The following CYP2C19 variants were observed in gnomAD, a reference collection of about 807,000 sequenced individuals.
The protein encoded by CYP2C19 is cytochrome P450 family 2 subfamily C member 19.
A neutral mutation model predicts 40.9 loss-of-function variants in CYP2C19; 59 were observed. That is an observed-to-expected ratio of 1.44 (90% CI 1.17 to 1.79). The LOEUF is 1.79. CYP2C19 is among the 40% of genes most tolerant of loss of function. CYP2C19 has a pLI of 0.00. For synonymous variants in CYP2C19, 253 were observed against 208.7 expected, an observed-to-expected ratio of 1.21 and a Z score of -1.83; for missense variants, 754 against 596.9, an observed-to-expected ratio of 1.26 and a Z score of -2.74.
At chr10:94,844,325 A>G (rs1009621879) in intron 7 of CYP2C19, among the ~76,000 whole-genome samples, 5 of 152,196 alleles carry the variant, frequency 3.3e-5, no homozygotes, top group African/African-American at 9.7e-5. Flanking sequence ...AGTCATAATG[A>G]CATAACACAT....
At chr10:94,783,542 AT>A (rs1189651547) in intron 5 of CYP2C19, among the ~76,000 whole-genome samples, 1 of 152,022 alleles carries the variant, frequency 6.6e-6, no homozygotes, top group Non-Finnish European at 1.5e-5. Context: ...TGAAGAGGCT[AT>A]TTTTTCCTCC....
At position 94,852,336 on chromosome 10, in the gene CYP2C19, C is replaced by T. The variant is rs141402116; in HGVS notation, c.1292-397C>T. Among the ~76,000 whole-genome samples the T allele has an allele frequency of 4.6e-5, 7 of 152,228 alleles. No homozygotes were observed. In the East Asian group the frequency reaches 5.8e-4, roughly 13 times the overall value. ...GAGCCAGAAATACAAAGGGAAATGC[C>T]GAATGTGAGCCTCCTCCCCTAAGCC... is the stretch of plus-strand genomic sequence containing the variant. On this transcript the variant is annotated intron_variant, in intron 8 of 8. Transcript: ENST00000371321.
chr10:94,827,480 T>C (rs544291353), intron 6 of CYP2C19, among the ~76,000 whole-genome samples: 1 of 152,240 alleles, frequency 6.6e-6, no homozygotes, highest in Admixed American at 6.5e-5. Flanking sequence ...CTGATGGTAG[T>C]TTGTATTTCT....
intron 6 of CYP2C19, among the ~76,000 whole-genome samples, chr10:94,842,394 T>TG (rs533775861): frequency 6.5e-4 from 2 of 3,058 alleles, no homozygotes; most frequent in African/African-American, 2.4e-3. Flanking sequence ...TTAAGTGAAG[T>TG]TTTTTTTTTT....
chr10:94,847,563 C>T (rs1294160815), intron 7 of CYP2C19, among the ~76,000 whole-genome samples: 1 of 152,124 alleles, frequency 6.6e-6, no homozygotes, highest in Non-Finnish European at 1.5e-5. Flanking sequence ...TTTATAGTAG[C>T]ATGATTTATA....
In CYP2C19 at chr10:94,780,604, A is replaced by G. The variant is rs994614384; in HGVS notation, c.587A>G (p.Asn196Ser). 1.9e-6 allele frequency: 3 copies of G among 1,613,734 alleles called. No individual in the cohort carries two copies. The highest frequency in any genetic ancestry group is 1.7e-5 in the Admixed American group (1 of 59,960). The change falls in exon 4 of 9, where the codon AAC (asparagine) becomes AGC (serine). Residue 196 changes from asparagine to serine, a missense_variant. Physicochemically the swap from Asn to Ser is conservative, Grantham distance 46 (BLOSUM62 1). Coordinates refer to ENST00000371321, the MANE Select transcript of CYP2C19 (RefSeq NM_000769.4). ...RFDYKDQQFLNLMEKLNENIR... is the reference protein window; with the variant it reads ...RFDYKDQQFLSLMEKLNENIR... ...GATTATAAAGATCAGCAATTTCTTA[A>G]CTTGATGGAAAAATTGAATGAAAAC...
chr10:94,816,572 T>A (rs1301983235), intron 5 of CYP2C19, among the ~76,000 whole-genome samples: 2 of 151,576 alleles, frequency 1.3e-5, no homozygotes, highest in African/African-American at 4.9e-5. Flanking sequence ...GAAAATGTAG[T>A]CTCTTTCTTT....
At position 94,782,590 on chromosome 10, in the gene CYP2C19, C is replaced by T. The variant is rs59210943; in HGVS notation, c.819+593C>T. Among the ~76,000 whole-genome samples, 711 of 152,186 alleles carry T rather than the reference C, an allele frequency of 4.7e-3. 3 individuals are homozygous for T. Among genetic ancestry groups the T allele is most frequent in the African/African-American group, 0.017 (688 of 41,538 alleles). On this transcript the variant is annotated intron_variant, in intron 5 of 8. Transcript: ENST00000371321. The stretch of plus-strand genomic sequence containing the variant: ...ATCTAGAACTAGAAATACCATTTGA[C>T]CCAGCAATCCAATTACTGGATATAT...
chr10:94,836,679 G>A (rs112151434), intron 6 of CYP2C19, among the ~76,000 whole-genome samples: 7,303 of 152,294 alleles, frequency 0.048, 233 homozygotes, highest in South Asian at 0.11. Context: ...AGCTGGATAC[G>A]TTCCTCACTG....
chr10:94,786,652 G>C (rs1250083484), intron 5 of CYP2C19, among the ~76,000 whole-genome samples: 1 of 152,112 alleles, frequency 6.6e-6, no homozygotes, highest in Admixed American at 6.6e-5. Flanking sequence ...AGTGAGAATA[G>C]TACCCAATAG....
At chr10:94,781,582 TCAAAAGCAGG>T (rs1848478574) in intron 4 of CYP2C19, among the ~76,000 whole-genome samples, 1 of 152,102 alleles carries the variant, frequency 6.6e-6, no homozygotes. Context: ...TTTTATACTA[TCAAAAGCAGG>T]TATAAGTCTA....
intron 1 of CYP2C19, among the ~76,000 whole-genome samples, chr10:94,773,468 T>C (rs969927240): frequency 2.0e-5 from 3 of 151,880 alleles, no homozygotes; most frequent in Non-Finnish European, 4.4e-5. Context: ...ACATCCAGAG[T>C]TGTTCATTCC....
chr10:94,831,688 A>C (rs1849337757), intron 6 of CYP2C19, among the ~76,000 whole-genome samples: 1 of 152,206 alleles, frequency 6.6e-6, no homozygotes. Flanking sequence ...TCTGTTAACA[A>C]TTAACATGTC....
chr10:94,807,839 T>A (rs909422480), intron 5 of CYP2C19, among the ~76,000 whole-genome samples: 1 of 152,160 alleles, frequency 6.6e-6, no homozygotes, highest in African/African-American at 2.4e-5. Context: ...TTCTTCAGGT[T>A]GTCTTTCCAC....
intron 6 of CYP2C19, among the ~76,000 whole-genome samples, chr10:94,830,914 T>G (rs1849324078): frequency 6.6e-6 from 1 of 152,074 alleles, no homozygotes; most frequent in African/African-American, 2.4e-5. Flanking sequence ...AACAATTCAA[T>G]TACACTCTTT....
intron 6 of CYP2C19, among the ~76,000 whole-genome samples, chr10:94,831,694 A>G (rs931804903): frequency 2.6e-5 from 4 of 152,204 alleles, no homozygotes; most frequent in Admixed American, 2.0e-4. Context: ...AACAATTAAC[A>G]TGTCTTCTTT....
At chr10:94,845,362 A>T (rs2134288641) in intron 7 of CYP2C19, among the ~76,000 whole-genome samples, 1 of 152,296 alleles carries the variant, frequency 6.6e-6, no homozygotes, top group South Asian at 2.1e-4. Flanking sequence ...TTGTTTCAAA[A>T]ATATTATTTA....
chr10:94,826,224 A>G lies in CYP2C19; in HGVS notation c.961+5587A>G, dbSNP rs996530568. ...TCATTGGTAGCTTGATGGGGATGGC[A>G]TTGAATCTGTAAATTACCTTGGGCA... On this transcript the variant is annotated intron_variant, in intron 6 of 8. Transcript: ENST00000371321. Among the ~76,000 whole-genome samples the G allele has an allele frequency of 7.2e-4, 109 of 152,136 alleles. 1 individual carries two copies. The South Asian group carries it at 0.022, about 31-fold the overall frequency.
intron 5 of CYP2C19, among the ~76,000 whole-genome samples, chr10:94,804,917 T>C (rs866158537): frequency 6.6e-6 from 1 of 152,310 alleles, no homozygotes; most frequent in African/African-American, 2.4e-5. Context: ...GTTTTTAGTG[T>C]CAGAGTCTTT....
Sources: gnomAD v4.1 joint callset for allele counts (sites outside exome capture counted in the v4.1 genomes callset) on GRCh38, gnomAD v4.1.1 for gene constraint, MANE v1.5 for transcripts, NCBI Gene and HGNC (gene_info 2026-07-23, HGNC 2026-07-21) for gene names.